Variants in NXPH1 observed in about 807,000 individuals in gnomAD.
NXPH1 encodes neurexophilin 1.
Under a neutral mutation model 23.7 loss-of-function variants are expected in NXPH1, and 5 were observed. The observed-to-expected ratio is 0.21, with a 90% CI of 0.11 to 0.44. The LOEUF (loss-of-function observed/expected upper bound fraction) is 0.44. Ranked by LOEUF, NXPH1 falls within the 20% of genes least tolerant of loss-of-function variation. NXPH1 has a pLI of 0.99. For synonymous variants in NXPH1, 144 were observed against 122.2 expected, an observed-to-expected ratio of 1.18 and a Z score of -1.18; for missense variants, 324 against 321.6, an observed-to-expected ratio of 1.01 and a Z score of -0.06.
At chr7:8,609,660 T>C (rs971155812) in intron 2 of NXPH1, among the ~76,000 whole-genome samples, 2 of 152,208 alleles carry the variant, frequency 1.3e-5, no homozygotes, top group Non-Finnish European at 2.9e-5. Flanking sequence ...ACTTGTGTGA[T>C]GTCCTCCATT....
chr7:8,750,459 C>G (rs947903759), intron 2 of NXPH1, among the ~76,000 whole-genome samples: 1 of 152,128 alleles, frequency 6.6e-6, no homozygotes, highest in African/African-American at 2.4e-5. Context: ...CTCTCCACCC[C>G]TCAACAGGCT....
rs1021374472 is a variant in NXPH1 at position 8,444,191 on chromosome 7, C to T, written c.54+8424C>T. Among the ~76,000 whole-genome samples the T allele has an allele frequency of 3.7e-4, 56 of 152,338 alleles. 1 individual carries two copies. Among genetic ancestry groups the T allele is most frequent in the African/African-American group, 1.2e-3 (48 of 41,574 alleles). ...CTTGTCACCCGATTCTGCAAATTCT[C>T]GCTGTATTAAAGGAGCAGAGATCTG... On this transcript the variant is annotated intron_variant, in intron 2 of 2. Transcript: ENST00000405863.
At chr7:8,665,701 A>G (rs1295061981) in intron 2 of NXPH1, among the ~76,000 whole-genome samples, 1 of 151,958 alleles carries the variant, frequency 6.6e-6, no homozygotes, top group East Asian at 1.9e-4. Context: ...TCAATACTTT[A>G]TAGTTTTCAG....
chr7:8,536,348 A>T (rs1330721933), intron 2 of NXPH1, among the ~76,000 whole-genome samples: 1 of 152,046 alleles, frequency 6.6e-6, no homozygotes, highest in African/African-American at 2.4e-5. Context: ...AGTGATAAGA[A>T]CATGGCTTTA....
intron 2 of NXPH1, among the ~76,000 whole-genome samples, chr7:8,648,063 G>T (rs908443438): frequency 6.6e-6 from 1 of 151,920 alleles, no homozygotes; most frequent in Non-Finnish European, 1.5e-5. Context: ...TATTTATAGG[G>T]TACATGGGAT....
intron 2 of NXPH1, among the ~76,000 whole-genome samples, chr7:8,545,064 G>A (rs1441645798): frequency 1.3e-5 from 2 of 151,510 alleles, no homozygotes; most frequent in Non-Finnish European, 3.0e-5. Flanking sequence ...ATAAACTGAG[G>A]TTTAACAGAT....
chr7:8,673,941 T>C (rs569020005), intron 2 of NXPH1, among the ~76,000 whole-genome samples: 37 of 152,270 alleles, frequency 2.4e-4, no homozygotes, highest in African/African-American at 8.7e-4. Context: ...TATCAGTATT[T>C]CATTTATTTA....
intron 2 of NXPH1, among the ~76,000 whole-genome samples, chr7:8,533,191 C>T (rs1290138582): frequency 6.6e-6 from 1 of 152,128 alleles, no homozygotes. Flanking sequence ...ACATATTTTA[C>T]CCACTATCAT....
At chr7:8,630,108 C>A (rs924457579) in intron 2 of NXPH1, among the ~76,000 whole-genome samples, 6 of 152,100 alleles carry the variant, frequency 3.9e-5, no homozygotes, top group Non-Finnish European at 8.8e-5. Flanking sequence ...GTAAGGCATA[C>A]TGATGGTTGT....
chr7:8,642,316 G>A (rs1229032498), intron 2 of NXPH1, among the ~76,000 whole-genome samples: 1 of 152,170 alleles, frequency 6.6e-6, no homozygotes, highest in Admixed American at 6.5e-5. Flanking sequence ...AGATTCCAAT[G>A]TTGCTGTAAA....
At chr7:8,615,300 A>G (rs373381760) in intron 2 of NXPH1, among the ~76,000 whole-genome samples, 8 of 152,082 alleles carry the variant, frequency 5.3e-5, no homozygotes, top group South Asian at 4.1e-4. Context: ...TGAGGATTCA[A>G]ACCCTCAGCT....
chr7:8,650,891 G>A (rs917207964), intron 2 of NXPH1, among the ~76,000 whole-genome samples: 5 of 152,110 alleles, frequency 3.3e-5, no homozygotes, highest in Admixed American at 2.0e-4. Flanking sequence ...AAAACTAAAT[G>A]GCATGAATAA....
chr7:8,551,914 T>C (rs113554278), intron 2 of NXPH1, among the ~76,000 whole-genome samples: 1 of 151,518 alleles, frequency 6.6e-6, no homozygotes, highest in African/African-American at 2.4e-5. Flanking sequence ...TTCAAGTAGA[T>C]CTATAGCTTT....
intron 2 of NXPH1, among the ~76,000 whole-genome samples, chr7:8,616,170 A>C (rs1053270848): frequency 1.3e-5 from 2 of 151,526 alleles, no homozygotes; most frequent in Non-Finnish European, 1.5e-5. Context: ...ATGATCTTTC[A>C]CTCTCTTCTT....
At chr7:8,606,071 G>C (rs573203731) in intron 2 of NXPH1, among the ~76,000 whole-genome samples, 1 of 152,158 alleles carries the variant, frequency 6.6e-6, no homozygotes, top group Non-Finnish European at 1.5e-5. Context: ...TTGTGCAAGG[G>C]ATTGGGTAGC....
At position 8,751,285 on chromosome 7, in the gene NXPH1, A is replaced by T. The variant is rs1270807579; in HGVS notation, c.332A>T (p.Lys111Ile). The change falls in exon 3 of 3, where the codon AAA (lysine) becomes ATA (isoleucine). Residue 111 changes from lysine (K) to isoleucine (I), a missense_variant. Transcript: ENST00000405863. The surrounding 1 kb of genome is among the most constrained non-coding windows in gnomAD (Gnocchi z 4.5). ...AGGGCCAAGAGAAGGCCCATTGTTA[A>T]AACGGGCAAGTTTAAGAAAATGTTT... ...RPRAKRRPIV[K>I]TGKFKKMFGW... 5 of 1,613,832 alleles carry T rather than the reference A, an allele frequency of 3.1e-6. No individual in the cohort carries two copies. The highest frequency in any genetic ancestry group is 2.7e-5 in the African/African-American group (2 of 74,934).
At chr7:8,691,252 A>T (rs1336955586) in intron 2 of NXPH1, among the ~76,000 whole-genome samples, 1 of 152,194 alleles carries the variant, frequency 6.6e-6, no homozygotes, top group East Asian at 1.9e-4. Context: ...GGGTTCAAGC[A>T]ATTCTCCTCC....
At chr7:8,584,804 A>C (rs17405358) in intron 2 of NXPH1, among the ~76,000 whole-genome samples, 25,953 of 152,184 alleles carry the variant, frequency 0.17, 2,879 homozygotes, top group Non-Finnish European at 0.24. Context: ...AAGGTATCCC[A>C]TTTCAAATTA....
chr7:8,724,475 G>T (rs1300050562), intron 2 of NXPH1, among the ~76,000 whole-genome samples: 1 of 152,176 alleles, frequency 6.6e-6, no homozygotes, highest in East Asian at 1.9e-4. Flanking sequence ...AAAACAAACT[G>T]CTAATAATGA....
Sources: allele counts gnomAD v4.1 joint callset (sites outside exome capture counted in the v4.1 genomes callset), GRCh38; gene constraint gnomAD v4.1.1; non-coding constraint Gnocchi (gnomAD v3.1); transcripts MANE v1.5; gene names NCBI Gene and HGNC (gene_info 2026-07-23, HGNC 2026-07-21).